The following FUBP1 variants were observed in gnomAD, a reference collection of about 807,000 sequenced individuals.
The protein encoded by FUBP1 is far upstream element binding protein 1.
Under a neutral mutation model 94.9 loss-of-function variants are expected in FUBP1, and 16 were observed. That is an observed-to-expected ratio of 0.17 (90% CI 0.11 to 0.26). FUBP1 has a LOEUF of 0.26. Among genes scored for constraint, FUBP1 ranks in the 10% least tolerant of loss-of-function variants. The pLI is 1.00. For missense variants in FUBP1, 583 were observed against 808.6 expected, an observed-to-expected ratio of 0.72 and a Z score of 3.38; for synonymous variants, 279 against 254.9, an observed-to-expected ratio of 1.09 and a Z score of -0.90.
At chr1:77,972,988 C>T (rs1480226634) in intron 1 of FUBP1, among the ~76,000 whole-genome samples, 1 of 148,006 alleles carries the variant, frequency 6.8e-6, no homozygotes, top group Non-Finnish European at 1.5e-5. Flanking sequence ...GAGTTCAACG[C>T]TAATACAGCA....
intron 18 of FUBP1, among the ~76,000 whole-genome samples, chr1:77,952,258 A>T (rs1245675383): frequency 3.3e-5 from 5 of 152,060 alleles, no homozygotes; most frequent in Admixed American, 3.3e-4. Flanking sequence ...AAATAAAAAA[A>T]AATAAAATAA....
chr1:77,975,112 A>G (rs771843580), intron 1 of FUBP1, among the ~76,000 whole-genome samples: 1 of 152,192 alleles, frequency 6.6e-6, no homozygotes, highest in Non-Finnish European at 1.5e-5. Context: ...CATTTTTCTA[A>G]TATTTCTGAT....
chr1:77,966,760 T>C lies in FUBP1; in HGVS notation c.416-9A>G. The C allele has an allele frequency of 6.5e-7, 1 of 1,534,562 alleles. No individual in the cohort carries two copies. The highest frequency in any genetic ancestry group is 9.0e-7 in the Non-Finnish European group (1 of 1,108,896). ...TGGAAGGCCACCACTGTCTACAATTTAAAACAAACAGATAACTTCAGGTCA... is the reference window on the plus strand; with the variant it reads ...TGGAAGGCCACCACTGTCTACAATTCAAAACAAACAGATAACTTCAGGTCA... On this transcript the variant is annotated splice_polypyrimidine_tract_variant and intron_variant, in intron 6 of 19. Transcript: ENST00000370768.
At chr1:77,960,627 C>T in intron 14 of FUBP1, 132 bp from the exon 15 acceptor site, 2 of 684,072 alleles carry the variant, frequency 2.9e-6, no homozygotes, top group Non-Finnish European at 4.6e-6. Context: ...CCTTCCTTTC[C>T]TCATTCATTT....
chr1:77,971,848 A>T (rs1657597548), intron 1 of FUBP1, among the ~76,000 whole-genome samples: 1 of 151,976 alleles, frequency 6.6e-6, no homozygotes, highest in Non-Finnish European at 1.5e-5. Flanking sequence ...TCTCTACTAA[A>T]AATACAAAGA....
In FUBP1 at chr1:77,963,439, A is replaced by G. The variant is rs1406749611; in HGVS notation, c.1183+135T>C. The stretch of plus-strand genomic sequence containing the variant: ...ATCCCTCATTTATGTTTTACTTGTT[A>G]CATATTAACATAAGAATTCTTTTCT... On this transcript the variant is annotated intron_variant, in intron 13 of 19. Coordinates refer to ENST00000370768, the MANE Select transcript of FUBP1 (RefSeq NM_003902.5). The G allele has an allele frequency of 5.6e-6, 3 of 538,570 alleles. No individual in the cohort carries two copies. In the African/African-American group the frequency reaches 5.9e-5, roughly 11 times the overall value. The allele number at this position is 538,570 out of a possible 1,614,324, so 33.4% of individuals were successfully genotyped here.
At chr1:77,963,072 T>C in intron 13 of FUBP1, 142 bp from the exon 14 acceptor site, 2 of 512,028 alleles carry the variant, frequency 3.9e-6, no homozygotes. Flanking sequence ...TTAAGATTTT[T>C]CATTTAATAT....
intron 1 of FUBP1, among the ~76,000 whole-genome samples, chr1:77,977,673 A>G (rs1427641784): frequency 3.9e-5 from 6 of 152,240 alleles, no homozygotes; most frequent in African/African-American, 1.4e-4. Flanking sequence ...AAAACACGCT[A>G]AGAGTGTTTG....
intron 1 of FUBP1, among the ~76,000 whole-genome samples, chr1:77,972,956 T>C (rs938947043): frequency 2.0e-5 from 3 of 149,836 alleles, no homozygotes; most frequent in Non-Finnish European, 4.4e-5. Flanking sequence ...GAAGCTGAGA[T>C]GGGAGAACTG....
chr1:77,946,455 A>C lies in FUBP1; in HGVS notation c.*2311T>G, dbSNP rs756060250. 1.7e-4 allele frequency: 34 copies of C among 202,392 alleles called. No individual in the cohort carries two copies. Among genetic ancestry groups the C allele is most frequent in the Non-Finnish European group, 3.2e-4 (31 of 98,156 alleles). 12.5% of individuals were successfully genotyped at this position (202,392 alleles called of 1,614,324 possible). On this transcript the variant is annotated 3_prime_UTR_variant, in exon 20 of 20. Coordinates refer to ENST00000370768, the MANE Select transcript of FUBP1 (RefSeq NM_003902.5). ...AGTAGCAGATTGCCTTTGAATACAC[A>C]ACCACAAAAACCTCACAGGGACAAC...
Position 77,956,654 on chromosome 1 carries a change from G to A in FUBP1, c.1623C>T (p.Tyr541=), listed in dbSNP as rs763138258. ...DPNSAAWAAY[Y]AHYYQQQAQP... is the part of the protein sequence containing the mutation. ...GTGCTTGCTGTTGATAATAGTGAGC[G>A]TAATAAGCAGCCCAAGCTGCTGAAT... is the stretch of plus-strand genomic sequence containing the variant. Residue 541 remains tyrosine, a synonymous_variant, in exon 17 of 20, where the codon TAC becomes TAT. Transcript: ENST00000370768. 29 of 1,608,448 alleles carry A rather than the reference G, an allele frequency of 1.8e-5. No individual in the cohort carries two copies. The highest frequency in any genetic ancestry group is 4.0e-5 in the African/African-American group (3 of 74,726).
In FUBP1 at chr1:77,962,944, A is replaced by G. The variant is rs1655775171; in HGVS notation, c.1184-14T>C. On this transcript the variant is annotated splice_polypyrimidine_tract_variant and intron_variant, in intron 13 of 19. Transcript: ENST00000370768. ...TGGTTTCACCTCCTAAAATCAAAAG[A>G]CAGTAATTTCTCTAAAGGTTTCAAG... 1.9e-6 allele frequency: 3 copies of G among 1,603,576 alleles called. No individual in the cohort carries two copies. Among genetic ancestry groups the G allele is most frequent in the Non-Finnish European group, 1.7e-6 (2 of 1,172,074 alleles).
chr1:77,977,903 A>G (rs1659000403), intron 1 of FUBP1, among the ~76,000 whole-genome samples: 1 of 152,236 alleles, frequency 6.6e-6, no homozygotes, highest in Admixed American at 6.5e-5. Context: ...CTGTCCCGGT[A>G]AAAAGTTAAC....
intron 16 of FUBP1, 140 bp downstream of exon 16, chr1:77,960,044 G>C (rs1048940754): frequency 1.1e-5 from 7 of 653,722 alleles, no homozygotes; most frequent in Admixed American, 2.9e-5. Flanking sequence ...CACTGGGGTA[G>C]AGGCAGTGCC....
At chr1:77,974,204 C>T (rs560137199) in intron 1 of FUBP1, among the ~76,000 whole-genome samples, 4 of 148,644 alleles carry the variant, frequency 2.7e-5, no homozygotes, top group South Asian at 2.1e-4. Flanking sequence ...GGCGCGATCT[C>T]GGTTCACTGC....
chr1:77,948,942 TC>T (rs1652777912), intron 19 of FUBP1, 168 bp from the exon 20 acceptor site: 4 of 1,056,902 alleles, frequency 3.8e-6, no homozygotes, highest in Non-Finnish European at 5.7e-6. Flanking sequence ...ATTTTTAAAA[TC>T]AAAGGCATTG....
chr1:77,973,165 C>T (rs1450850986), intron 1 of FUBP1, among the ~76,000 whole-genome samples: 1 of 152,144 alleles, frequency 6.6e-6, no homozygotes, highest in African/African-American at 2.4e-5. Flanking sequence ...CTATATTCAA[C>T]TCCTTTTTCA....
Position 77,948,096 on chromosome 1 carries a change from A to G in FUBP1, c.*670T>C. 9.7e-7 allele frequency: 1 copy of G among 1,034,694 alleles called. No individual in the cohort carries two copies. The highest frequency in any genetic ancestry group is 1.2e-6 in the Non-Finnish European group (1 of 859,266). 64.1% of individuals were successfully genotyped at this position (1,034,694 alleles called of 1,614,324 possible). A position where few individuals can be genotyped will look rare whatever the true frequency, so the allele number is the denominator to read the frequency against. On this transcript the variant is annotated 3_prime_UTR_variant, in exon 20 of 20. Coordinates refer to ENST00000370768, the MANE Select transcript of FUBP1 (RefSeq NM_003902.5). Reference sequence around the variant, plus strand: ...AGGTCTGAAACAGTGGTCATGTATAAAAGGAAATTTCACTGTTAATGCAAT... The same window carrying G: ...AGGTCTGAAACAGTGGTCATGTATAGAAGGAAATTTCACTGTTAATGCAAT...
chr1:77,970,198 T>A (rs547337458), intron 1 of FUBP1, among the ~76,000 whole-genome samples, 183 bp from the exon 2 acceptor site: 118 of 152,322 alleles, frequency 7.7e-4, no homozygotes, highest in Non-Finnish European at 1.2e-3. Context: ...GCAGTTAACA[T>A]AATAATCATA....
Sources: gnomAD v4.1 joint callset for allele counts (sites outside exome capture counted in the v4.1 genomes callset) on GRCh38, gnomAD v4.1.1 for gene constraint, MANE v1.5 for transcripts, NCBI Gene and HGNC (gene_info 2026-07-23, HGNC 2026-07-21) for gene names.